Variants in SREBF2 observed in about 807,000 individuals in gnomAD.
The protein encoded by SREBF2 is sterol regulatory element binding transcription factor 2.
A neutral mutation model predicts 113.1 loss-of-function variants in SREBF2; 55 were observed. The observed-to-expected ratio is 0.49, with a 90% CI of 0.39 to 0.61. SREBF2 has a LOEUF of 0.61. SREBF2 is among the 20% of genes least tolerant of loss of function. The probability of loss-of-function intolerance (pLI) is 0.00; values close to 1 mark genes in which losing one functional copy is unlikely to be tolerated. For missense variants in SREBF2, 1,349 were observed against 1,487.4 expected (o/e 0.91, Z 1.53); for synonymous variants, 593 against 605.7 (o/e 0.98, Z 0.31).
chr22:41,854,591 G>C (rs377648440), intron 1 of SREBF2, among the ~76,000 whole-genome samples: 1 of 152,034 alleles, frequency 6.6e-6, no homozygotes, highest in South Asian at 2.1e-4. Flanking sequence ...TTTAGAATCC[G>C]GGGGTGGTGG....
In SREBF2 at chr22:41,905,989, TCTCC is replaced by T. The variant is rs1239568393; in HGVS notation, c.*330_*333del. On this transcript the variant is annotated 3_prime_UTR_variant, in exon 19 of 19. Transcript: ENST00000361204. ...AGTTTCTCTCTCCTGAACCCTACTC[TCTCC>T]TTTTTGCTTCCTCAGTTTTTATCAG... is the stretch of plus-strand genomic sequence containing the variant. The T allele has an allele frequency of 1.8e-6, 1 of 556,774 alleles. No homozygotes were observed. The highest frequency in any genetic ancestry group is 3.4e-6 in the Non-Finnish European group (1 of 292,280). 34.5% of individuals were successfully genotyped at this position (556,774 alleles called of 1,614,324 possible). A position where few individuals can be genotyped will look rare whatever the true frequency, so the allele number is the denominator to read the frequency against.
chr22:41,886,850 A>G (rs2077304029), intron 11 of SREBF2, among the ~76,000 whole-genome samples: 1 of 152,216 alleles, frequency 6.6e-6, no homozygotes, highest in African/African-American at 2.4e-5. Flanking sequence ...CCTGACCAAT[A>G]TGATGAAACC....
intron 1 of SREBF2, among the ~76,000 whole-genome samples, chr22:41,855,626 G>T (rs1032676025): frequency 6.6e-6 from 1 of 152,200 alleles, no homozygotes; most frequent in Non-Finnish European, 1.5e-5. Flanking sequence ...ACAATTTTCT[G>T]CAGGCTAACA....
intron 10 of SREBF2, among the ~76,000 whole-genome samples, chr22:41,884,632 T>A (rs1243017000): frequency 1.3e-5 from 2 of 152,200 alleles, no homozygotes; most frequent in African/African-American, 4.8e-5. Context: ...ATGGGTGCCA[T>A]GTTCCCAGCT....
Position 41,903,139 on chromosome 22 carries a change from G to A in SREBF2, c.3077G>A (p.Arg1026His), listed in dbSNP as rs752843474. Residue 1026 changes from arginine (R) to histidine (H), a missense_variant, in exon 17 of 19, where the codon CGC (arginine) becomes CAC (histidine). By Grantham distance (29) the Arg-to-His change is conservative (BLOSUM62 0). Around this residue, in one of 2 missense-constraint regions of SREBF2, gnomAD observed 650 missense variants for 644.1 expected, o/e 1.01. Coordinates refer to ENST00000361204, the MANE Select transcript of SREBF2 (RefSeq NM_004599.4). ...GSLRRLAHSF[R>H]PAYRKVFLHE... ...CTGCGCAGGCTGGCACACAGCTTCC[G>A]CCCAGCATACCGCAAGGTGAGGCCC... 1.9e-5 allele frequency: 29 copies of A among 1,554,130 alleles called. No individual in the cohort carries two copies. Among genetic ancestry groups the A allele is most frequent in the African/African-American group, 6.8e-5 (5 of 73,306 alleles).
rs1447913980 is a variant in SREBF2 at position 41,880,893 on chromosome 22, G to A, written c.1939G>A (p.Ala647Thr). The part of the protein sequence containing the change: ...LLKKVFQCRR[A>T]TPATEAGFED... ...CAAGAAAGTCTTCCAGTGCCGGCGG[G>A]CCACGCCAGCCACTGAGGCAGGCTT... is the stretch of plus-strand genomic sequence containing the variant. The change falls in exon 10 of 19, where the codon GCC (alanine) becomes ACC (threonine). Residue 647 changes from alanine to threonine, a missense_variant. By Grantham distance (58) the Ala-to-Thr change is moderately conservative. Transcript: ENST00000361204. 2.5e-6 allele frequency: 4 copies of A among 1,612,320 alleles called. No individual in the cohort carries two copies. The highest frequency in any genetic ancestry group is 3.4e-6 in the Non-Finnish European group (4 of 1,179,840).
chr22:41,895,703 TG>T, intron 13 of SREBF2, among the ~76,000 whole-genome samples: 1 of 152,260 alleles, frequency 6.6e-6, no homozygotes, highest in African/African-American at 2.4e-5. Context: ...CCCAAAGTGC[TG>T]GGATTACAGG....
rs191706284 is a variant in SREBF2 at position 41,901,298 on chromosome 22, G to T, written c.2907+800G>T. Among the ~76,000 whole-genome samples the T allele has an allele frequency of 3.3e-3, 499 of 152,322 alleles. 6 individuals are homozygous for T. The highest frequency in any genetic ancestry group is 0.011 in the African/African-American group (471 of 41,574). On this transcript the variant is annotated intron_variant, in intron 16 of 18. Coordinates refer to ENST00000361204, the MANE Select transcript of SREBF2 (RefSeq NM_004599.4). ...TAGTACTTCAAGCTAGATATTGTCAGTGGACCTGGGCACTGGGATGAACCC... is the reference window on the plus strand; with the variant it reads ...TAGTACTTCAAGCTAGATATTGTCATTGGACCTGGGCACTGGGATGAACCC...
At chr22:41,875,789 G>C (rs965680498) in intron 7 of SREBF2, 65 bp downstream of exon 7, 2 of 1,587,648 alleles carry the variant, frequency 1.3e-6, no homozygotes, top group Non-Finnish European at 1.7e-6. Context: ...AGATAGCTGG[G>C]AGGTCACAGT....
At chr22:41,864,305 A>ATG (rs1278349361) in intron 1 of SREBF2, among the ~76,000 whole-genome samples, 24 of 109,702 alleles carry the variant, frequency 2.2e-4, no homozygotes, top group African/African-American at 9.7e-4. Flanking sequence ...ATATATATAT[A>ATG]TATGTATATA....
intron 1 of SREBF2, among the ~76,000 whole-genome samples, chr22:41,838,732 CAAAAA>C (rs1158784047): frequency 6.6e-6 from 1 of 151,506 alleles, no homozygotes; most frequent in South Asian, 2.1e-4. Flanking sequence ...GACCTTGTCT[CAAAAA>C]AATAAAAGAG....
intron 1 of SREBF2, among the ~76,000 whole-genome samples, chr22:41,860,242 A>G (rs77124302): frequency 6.0e-5 from 7 of 116,768 alleles, no homozygotes; most frequent in Non-Finnish European, 1.0e-4. Context: ...TAAATCAGTG[A>G]AAAAAAAAAA....
chr22:41,897,225 C>T (rs1170838722), intron 14 of SREBF2, 64 bp downstream of exon 14: 2 of 1,115,314 alleles, frequency 1.8e-6, no homozygotes, highest in Non-Finnish European at 2.6e-6. Context: ...AGTGCTTTTG[C>T]CCCAGGGGTC....
intron 1 of SREBF2, among the ~76,000 whole-genome samples, chr22:41,865,569 C>CT (rs1039671678): frequency 2.0e-5 from 3 of 152,092 alleles, no homozygotes; most frequent in African/African-American, 7.2e-5. Flanking sequence ...TGGAAGTAGG[C>CT]TTGAGACCCT....
chr22:41,850,564 C>A (rs2076918831), intron 1 of SREBF2, among the ~76,000 whole-genome samples: 1 of 152,012 alleles, frequency 6.6e-6, no homozygotes, highest in African/African-American at 2.4e-5. Flanking sequence ...TTGTGATGAG[C>A]ATAAATGTAA....
At chr22:41,844,015 C>CA (rs777891538) in intron 1 of SREBF2, among the ~76,000 whole-genome samples, 14,649 of 92,730 alleles carry the variant, frequency 0.16, 1,051 homozygotes, top group South Asian at 0.24. Flanking sequence ...GACCCTGTCT[C>CA]AAAAAAAAAA....
At chr22:41,889,388 A>G (rs933363943) in intron 11 of SREBF2, among the ~76,000 whole-genome samples, 2 of 152,094 alleles carry the variant, frequency 1.3e-5, no homozygotes, top group African/African-American at 4.8e-5. Flanking sequence ...CAGCCTCTCA[A>G]AGTGCTGGGA....
intron 14 of SREBF2, among the ~76,000 whole-genome samples, chr22:41,897,479 A>T (rs1232413626): frequency 2.0e-5 from 3 of 152,180 alleles, no homozygotes; most frequent in Admixed American, 2.0e-4. Context: ...GATGGTGGGG[A>T]GTCACCTTTC....
intron 16 of SREBF2, 33 bp from the exon 17 acceptor site, chr22:41,902,937 C>G: frequency 6.3e-7 from 1 of 1,594,510 alleles, no homozygotes. Flanking sequence ...GGGCCAGTCA[C>G]CTGTCTCCCC....
Sources: gnomAD v4.1 joint callset for allele counts (sites outside exome capture counted in the v4.1 genomes callset) on GRCh38, gnomAD v4.1.1 for gene constraint, gnomAD v4.1.1 regional missense constraint, MANE v1.5 for transcripts, NCBI Gene and HGNC (gene_info 2026-07-23, HGNC 2026-07-21) for gene names.